The following LAMA2 variants were observed in gnomAD, a reference collection of about 807,000 sequenced individuals.
The protein encoded by LAMA2 is laminin subunit alpha 2.
LAMA2 carries 269 observed loss-of-function variants against 364.8 expected under a neutral mutation model. The observed-to-expected ratio is 0.74, with a 90% CI of 0.67 to 0.82. The LOEUF (loss-of-function observed/expected upper bound fraction) is 0.82, where lower values mean the gene tolerates loss of function less well. Among genes scored for constraint, LAMA2 ranks in the 40% least tolerant of loss-of-function variants. The pLI is 0.00. For synonymous variants in LAMA2, 1,379 were observed against 1,370.6 expected (o/e 1.01, Z -0.14); for missense variants, 3,807 against 3,873.2 (o/e 0.98, Z 0.45).
chr6:129,423,009 T>C (rs1273246302), intron 40 of LAMA2, among the ~76,000 whole-genome samples: 1 of 152,098 alleles, frequency 6.6e-6, no homozygotes, highest in Admixed American at 6.6e-5. Context: ...ATGATATTAA[T>C]GCCAGGATGT....
chr6:129,332,931 C>T (rs1775745274), intron 29 of LAMA2, among the ~76,000 whole-genome samples: 1 of 130,192 alleles, frequency 7.7e-6, no homozygotes, highest in Non-Finnish European at 1.6e-5. Flanking sequence ...CTTGCTCTGT[C>T]ACCCAGGCTA....
intron 1 of LAMA2, among the ~76,000 whole-genome samples, chr6:129,039,482 G>A (rs982768129): frequency 1.3e-5 from 2 of 152,182 alleles, no homozygotes; most frequent in Non-Finnish European, 2.9e-5. Context: ...GTTTGTCTAC[G>A]ACACTACAGG....
intron 4 of LAMA2, among the ~76,000 whole-genome samples, chr6:129,103,095 C>A: frequency 6.6e-6 from 1 of 152,312 alleles, no homozygotes; most frequent in East Asian, 1.9e-4. Context: ...GCTGTCACAA[C>A]GTACCAATCA....
At chr6:129,345,464 C>A (rs1447251035) in intron 30 of LAMA2, among the ~76,000 whole-genome samples, 2 of 152,112 alleles carry the variant, frequency 1.3e-5, no homozygotes, top group Non-Finnish European at 2.9e-5. Flanking sequence ...GAATACTACC[C>A]TGATTGGTTA....
intron 12 of LAMA2, among the ~76,000 whole-genome samples, chr6:129,220,891 G>A (rs559242875): frequency 6.6e-6 from 1 of 152,312 alleles, no homozygotes; most frequent in Non-Finnish European, 1.5e-5. Context: ...GCAAGGCACG[G>A]TGGCTCATGC....
chr6:129,375,443 T>G (rs2114638774), intron 34 of LAMA2, among the ~76,000 whole-genome samples: 1 of 152,292 alleles, frequency 6.6e-6, no homozygotes, highest in Non-Finnish European at 1.5e-5. Flanking sequence ...GCTGCCTGGA[T>G]TTTCACTCCC....
chr6:129,443,373 A>G (rs924433289), intron 44 of LAMA2, among the ~76,000 whole-genome samples: 1 of 152,220 alleles, frequency 6.6e-6, no homozygotes, highest in African/African-American at 2.4e-5. Context: ...ACTTGAGGCC[A>G]GAAGTTTGAG....
At chr6:129,058,735 A>T (rs1297874081) in intron 2 of LAMA2, among the ~76,000 whole-genome samples, 1 of 152,200 alleles carries the variant, frequency 6.6e-6, no homozygotes, top group African/African-American at 2.4e-5. Context: ...TTGCTGAAAA[A>T]TCAACTGAAA....
At chr6:129,262,340 G>C (rs1001035273) in intron 15 of LAMA2, among the ~76,000 whole-genome samples, 4 of 152,026 alleles carry the variant, frequency 2.6e-5, no homozygotes, top group Non-Finnish European at 5.9e-5. Context: ...ATAATTAAGG[G>C]AGAGGTATGT....
At position 129,353,349 on chromosome 6, in the gene LAMA2, AGT is replaced by A. The variant is rs1186050632; in HGVS notation, c.4714_4715del (p.Val1572PhefsTer5). 2 of 1,610,314 alleles carry A rather than the reference AGT, an allele frequency of 1.2e-6. No individual in the cohort carries two copies. Among genetic ancestry groups the A allele is most frequent in the Non-Finnish European group, 1.7e-6 (2 of 1,178,022 alleles). On this transcript the variant is annotated frameshift_variant, in exon 32 of 65. Coordinates refer to ENST00000421865, the MANE Select transcript of LAMA2 (RefSeq NM_000426.4). LOFTEE classifies it high-confidence loss of function. ...CACTGGCATGCACGCGAGGGCTGGG[AGT>A]GTGTTTGTACGTATACTAACTTTGC...
chr6:129,500,440 A>G (rs1785540994), intron 58 of LAMA2, among the ~76,000 whole-genome samples: 1 of 152,180 alleles, frequency 6.6e-6, no homozygotes, highest in Non-Finnish European at 1.5e-5. Context: ...CTTTTCCATA[A>G]CATTGGCTCA....
At chr6:129,141,472 G>C (rs147418220) in intron 4 of LAMA2, among the ~76,000 whole-genome samples, 13 of 152,104 alleles carry the variant, frequency 8.5e-5, no homozygotes, top group African/African-American at 3.1e-4. Flanking sequence ...AGCATCCCAG[G>C]TAGATTCAAT....
chr6:129,164,821 T>C (rs2114992045), intron 8 of LAMA2, among the ~76,000 whole-genome samples: 1 of 152,296 alleles, frequency 6.6e-6, no homozygotes, highest in South Asian at 2.1e-4. Context: ...ATTTTGTGAA[T>C]TGCAGTTTAA....
In LAMA2 at chr6:129,345,693, GATATCTAAAT is replaced by G. The variant is rs572527252; in HGVS notation, c.4436+3231_4436+3240del. ...AAACACACAAAAACTTGTGTGTGTA[GATATCTAAAT>G]ATATGTATTATACACCATGCCATTT... On this transcript the variant is annotated intron_variant, in intron 30 of 64. Transcript: ENST00000421865. Among the ~76,000 whole-genome samples the G allele has an allele frequency of 1.1e-3, 174 of 151,976 alleles. 1 individual carries two copies. The highest frequency in any genetic ancestry group is 4.0e-3 in the African/African-American group (167 of 41,450).
chr6:128,902,058 G>A (rs1200918986), intron 1 of LAMA2, among the ~76,000 whole-genome samples: 1 of 152,190 alleles, frequency 6.6e-6, no homozygotes, highest in Non-Finnish European at 1.5e-5. Flanking sequence ...TGTCAGGAAG[G>A]AGAAGTGCAG....
intron 49 of LAMA2, among the ~76,000 whole-genome samples, chr6:129,461,238 A>G (rs1287704174): frequency 6.6e-6 from 1 of 152,046 alleles, no homozygotes; most frequent in South Asian, 2.1e-4. Flanking sequence ...TTTAAAGGAT[A>G]TACATACGTT....
At chr6:129,142,008 G>A (rs1161142773) in intron 4 of LAMA2, among the ~76,000 whole-genome samples, 1 of 152,050 alleles carries the variant, frequency 6.6e-6, no homozygotes, top group Non-Finnish European at 1.5e-5. Context: ...CAAAAATAGT[G>A]TAAGTATGTG....
chr6:128,973,979 A>G (rs1190330470), intron 1 of LAMA2, among the ~76,000 whole-genome samples: 3 of 152,164 alleles, frequency 2.0e-5, no homozygotes, highest in African/African-American at 7.2e-5. Context: ...CACATTTCAA[A>G]TAAGTATTTT....
chr6:129,136,540 G>A (rs1777802647), intron 4 of LAMA2, among the ~76,000 whole-genome samples: 1 of 150,316 alleles, frequency 6.7e-6, no homozygotes, highest in Admixed American at 6.6e-5. Context: ...AGGGAGAGAA[G>A]AGACATGTTC....
Sources: allele counts gnomAD v4.1 joint callset (sites outside exome capture counted in the v4.1 genomes callset), GRCh38; gene constraint gnomAD v4.1.1; transcripts MANE v1.5; gene names NCBI Gene and HGNC (gene_info 2026-07-23, HGNC 2026-07-21).